Variants in STXBP5L observed in about 807,000 individuals in gnomAD.
STXBP5L encodes syntaxin-binding protein 5-like.
STXBP5L carries 65 observed loss-of-function variants against 144.5 expected under a neutral mutation model. That is an observed-to-expected ratio of 0.45 (90% CI 0.37 to 0.55). The LOEUF is 0.55. Among genes scored for constraint, STXBP5L ranks in the 20% least tolerant of loss-of-function variants. The probability of loss-of-function intolerance (pLI) is 0.00; values close to 1 mark genes in which losing one functional copy is unlikely to be tolerated. For synonymous variants in STXBP5L, 505 were observed against 469.6 expected (o/e 1.08, Z -0.97); for missense variants, 1,298 against 1,405.5 (o/e 0.92, Z 1.22).
At chr3:120,977,221 G>C (rs1287242094) in intron 3 of STXBP5L, among the ~76,000 whole-genome samples, 1 of 152,152 alleles carries the variant, frequency 6.6e-6, no homozygotes, top group African/African-American at 2.4e-5. Flanking sequence ...TCATGAATCT[G>C]GGTGCTCCTG....
intron 5 of STXBP5L, among the ~76,000 whole-genome samples, chr3:121,081,692 T>G (rs1273418325): frequency 6.6e-6 from 1 of 152,096 alleles, no homozygotes; most frequent in African/African-American, 2.4e-5. Context: ...CCAATAGGGG[T>G]GGTATTCCTG....
intron 2 of STXBP5L, among the ~76,000 whole-genome samples, chr3:120,940,186 C>T (rs1366178743): frequency 2.6e-5 from 4 of 151,892 alleles, no homozygotes; most frequent in Non-Finnish European, 5.9e-5. Flanking sequence ...ATAGATTCAA[C>T]AAAAGATGTA....
chr3:121,414,537 G>A (rs558311486), intron 24 of STXBP5L, among the ~76,000 whole-genome samples: 29 of 152,160 alleles, frequency 1.9e-4, no homozygotes, highest in Non-Finnish European at 3.4e-4. Context: ...AAAGAAGTTA[G>A]AGAAGGATTA....
chr3:121,387,198 GTCT>G (rs1218257484), intron 22 of STXBP5L, among the ~76,000 whole-genome samples: 4 of 152,086 alleles, frequency 2.6e-5, no homozygotes, highest in African/African-American at 9.7e-5. Context: ...CTGCATAGAT[GTCT>G]TCTTTTGAGA....
chr3:121,395,581 TA>T lies in STXBP5L; in HGVS notation c.2588-11661del, dbSNP rs1322945920. 5.3e-5 allele frequency among the ~76,000 whole-genome samples: 8 copies of T among 152,220 alleles called. 1 individual carries two copies. The highest frequency in any genetic ancestry group is 3.9e-4 in the Admixed American group (6 of 15,284). On this transcript the variant is annotated intron_variant, in intron 22 of 26. Coordinates refer to ENST00000471454, the MANE Select transcript of STXBP5L (RefSeq NM_001308330.2). ...ATAGGAGCAGATTTATTATGATAAA[TA>T]CTGAGATCAGAAAGCATGTGCAACT... is the stretch of plus-strand genomic sequence containing the variant.
intron 7 of STXBP5L, among the ~76,000 whole-genome samples, chr3:121,133,620 A>G (rs1321347731): frequency 1.3e-5 from 2 of 152,238 alleles, no homozygotes; most frequent in Non-Finnish European, 2.9e-5. Flanking sequence ...TTGACTCGCA[A>G]GAAATGCTAA....
chr3:120,947,484 C>T (rs1427640900), intron 2 of STXBP5L, among the ~76,000 whole-genome samples: 3 of 151,722 alleles, frequency 2.0e-5, no homozygotes, highest in Admixed American at 6.6e-5. Context: ...ACCCACCATA[C>T]AATTCACCTA....
At chr3:120,973,695 C>T (rs530198723) in intron 3 of STXBP5L, among the ~76,000 whole-genome samples, 7 of 147,798 alleles carry the variant, frequency 4.7e-5, no homozygotes, top group African/African-American at 1.0e-4. Context: ...CCTCCCCCAT[C>T]CCCCCACCCC....
chr3:120,999,093 C>T (rs1161114888), intron 3 of STXBP5L, among the ~76,000 whole-genome samples: 2 of 152,106 alleles, frequency 1.3e-5, no homozygotes, highest in African/African-American at 2.4e-5. Context: ...CATTCTCTCA[C>T]CCAGGCTGGA....
intron 10 of STXBP5L, among the ~76,000 whole-genome samples, chr3:121,213,758 C>G (rs992912868): frequency 6.6e-6 from 1 of 152,078 alleles, no homozygotes; most frequent in Admixed American, 6.6e-5. Context: ...CTCTCTTTTT[C>G]TATTGTTTGG....
chr3:121,357,186 A>T (rs1576275424), intron 20 of STXBP5L: 1 of 204,812 alleles, frequency 4.9e-6, no homozygotes, highest in East Asian at 1.5e-4. Flanking sequence ...CCACATTATC[A>T]TTTGCATGAG....
At chr3:120,979,715 T>C (rs1290634189) in intron 3 of STXBP5L, among the ~76,000 whole-genome samples, 2 of 152,210 alleles carry the variant, frequency 1.3e-5, no homozygotes, top group African/African-American at 4.8e-5. Context: ...CCTTTGTATT[T>C]TTGTTTGGTC....
intron 3 of STXBP5L, among the ~76,000 whole-genome samples, chr3:120,970,983 G>C (rs1940180893): frequency 6.6e-6 from 1 of 152,092 alleles, no homozygotes. Flanking sequence ...AACACTTACA[G>C]TGAGCACCAA....
intron 2 of STXBP5L, among the ~76,000 whole-genome samples, chr3:120,953,267 A>C (rs1462704368): frequency 6.6e-6 from 1 of 151,852 alleles, no homozygotes; most frequent in Non-Finnish European, 1.5e-5. Context: ...AGCAGTGGAA[A>C]TCTATACAGT....
chr3:120,970,056 T>C (rs1940061568), intron 3 of STXBP5L, among the ~76,000 whole-genome samples: 3 of 152,122 alleles, frequency 2.0e-5, no homozygotes, highest in African/African-American at 7.2e-5. Context: ...AAAAGTATTA[T>C]AAGAAAACCA....
At chr3:121,143,019 T>G in intron 7 of STXBP5L, among the ~76,000 whole-genome samples, 1 of 151,742 alleles carries the variant, frequency 6.6e-6, no homozygotes, top group Non-Finnish European at 1.5e-5. Context: ...AAATCAGAAA[T>G]GAAAGGAGTG....
intron 3 of STXBP5L, among the ~76,000 whole-genome samples, chr3:121,014,426 C>G (rs965993563): frequency 4.6e-5 from 7 of 151,898 alleles, no homozygotes; most frequent in African/African-American, 1.2e-4. Context: ...ATATTGTTTT[C>G]TGTCTGAGGT....
Position 121,110,037 on chromosome 3 carries a change from T to A in STXBP5L, c.471-4888T>A, listed in dbSNP as rs2043905038. Among the ~76,000 whole-genome samples, 4 of 152,274 alleles carry A rather than the reference T, an allele frequency of 2.6e-5. No individual in the cohort carries two copies. In the South Asian group the frequency reaches 6.2e-4, roughly 24 times the overall value. On this transcript the variant is annotated intron_variant, in intron 5 of 26. Transcript: ENST00000471454. The stretch of plus-strand genomic sequence containing the variant: ...CAGAAACTAGGATTGCAACCCCTGC[T>A]TTTTTCTGCTTTTTATTTGCTGGTA...
chr3:121,132,482 T>A (rs2045038480), intron 7 of STXBP5L, among the ~76,000 whole-genome samples: 1 of 151,856 alleles, frequency 6.6e-6, no homozygotes, highest in East Asian at 1.9e-4. Flanking sequence ...AAGGAAAGAG[T>A]AGATAGAAGT....
Sources: gnomAD v4.1 joint callset for allele counts (sites outside exome capture counted in the v4.1 genomes callset) on GRCh38, gnomAD v4.1.1 for gene constraint, MANE v1.5 for transcripts, NCBI Gene and HGNC (gene_info 2026-07-23, HGNC 2026-07-21) for gene names.